The following MTTP variants were observed in gnomAD, a reference collection of about 807,000 sequenced individuals.
The protein encoded by MTTP is microsomal triglyceride transfer protein large subunit.
Under a neutral mutation model 90.6 loss-of-function variants are expected in MTTP, and 49 were observed. The observed-to-expected ratio is 0.54, with a 90% CI of 0.43 to 0.69. The LOEUF is 0.69. MTTP is among the 30% of genes least tolerant of loss of function. The pLI, the probability that MTTP is intolerant of heterozygous loss-of-function variation, is 0.00. For missense variants in MTTP, 945 were observed against 1,067.5 expected (o/e 0.89, Z 1.60); for synonymous variants, 347 against 384.2 (o/e 0.90, Z 1.13).
In MTTP at chr4:99,594,889, T is replaced by A. The variant is rs765547371; in HGVS notation, c.909+6T>A. 1 of 1,613,578 alleles carries A rather than the reference T, an allele frequency of 6.2e-7. No individual in the cohort carries two copies. The highest frequency in any genetic ancestry group is 1.1e-5 in the South Asian group (1 of 91,074). On this transcript the variant is annotated splice_donor_region_variant and intron_variant, in intron 7 of 17. Coordinates refer to ENST00000265517, the MANE Select transcript of MTTP (RefSeq NM_001386140.1). ...ACTGTAAAGGATGTCCTTCTGTAAGTGCAGACAAATATGGGAATAATCATG... is the reference window on the plus strand; with the variant it reads ...ACTGTAAAGGATGTCCTTCTGTAAGAGCAGACAAATATGGGAATAATCATG...
intron 15 of MTTP, among the ~76,000 whole-genome samples, chr4:99,616,937 C>T (rs1726111889): frequency 6.6e-6 from 1 of 152,128 alleles, no homozygotes; most frequent in Non-Finnish European, 1.5e-5. Context: ...GGCCAAGATC[C>T]ACATCACAGG....
chr4:99,592,714 C>T (rs1725461260), intron 6 of MTTP, among the ~76,000 whole-genome samples: 1 of 152,108 alleles, frequency 6.6e-6, no homozygotes, highest in South Asian at 2.1e-4. Context: ...CTGTCACTTC[C>T]TCTGATAACA....
intron 9 of MTTP, 146 bp downstream of exon 9, chr4:99,600,879 C>A: frequency 1.3e-6 from 1 of 781,472 alleles, no homozygotes; most frequent in Non-Finnish European, 2.0e-6. Flanking sequence ...ATTTTCTATC[C>A]ACTAATTATT....
At chr4:99,601,819 T>C (rs946790168) in intron 10 of MTTP, 105 bp downstream of exon 10, 3 of 879,890 alleles carry the variant, frequency 3.4e-6, no homozygotes, top group African/African-American at 1.6e-5. Flanking sequence ...TTTACTCTAT[T>C]CTACTTACCT....
chr4:99,577,097 G>A (rs1035190086), intron 1 of MTTP, among the ~76,000 whole-genome samples: 3 of 152,124 alleles, frequency 2.0e-5, no homozygotes, highest in Non-Finnish European at 4.4e-5. Context: ...ATAACTTTTT[G>A]CATTATGGTA....
upstream of MTTP, chr4:99,570,922 T>G: frequency 2.7e-6 from 1 of 369,308 alleles, no homozygotes; most frequent in Non-Finnish European, 5.3e-6. Flanking sequence ...GCCAATACTT[T>G]CATTTTATCC....
intron 6 of MTTP, among the ~76,000 whole-genome samples, chr4:99,593,167 C>A (rs1725471896): frequency 6.6e-6 from 1 of 152,104 alleles, no homozygotes. Context: ...GTGATTATAT[C>A]TTGTTCATCT....
At position 99,583,448 on chromosome 4, in the gene MTTP, T is replaced by C. The variant is rs757471822; in HGVS notation, c.324T>C (p.Ser108=). Residue 108 remains serine, a synonymous_variant, in exon 3 of 18, where the codon TCT becomes TCC. Transcript: ENST00000265517. The part of the protein sequence containing the change: ...EKSIFKGKSP[S]KIMGKENLEA... ...GCATCTTCAAAGGAAAAAGCCCATC[T>C]AAAATAATGGGAAAGGAAAACTTGG... 6.2e-7 allele frequency: 1 copy of C among 1,613,620 alleles called. No homozygotes were observed. Among genetic ancestry groups the C allele is most frequent in the Admixed American group, 1.7e-5 (1 of 59,990 alleles).
At chr4:99,611,089 G>C in intron 12 of MTTP, 54 bp from the exon 13 acceptor site, 2 of 1,551,954 alleles carry the variant, frequency 1.3e-6, no homozygotes, top group Non-Finnish European at 8.9e-7. Context: ...AATTTGACTT[G>C]GGAAACAGTC....
Position 99,564,403 on chromosome 4 carries a change from C to G in MTTP, c.-102+166C>G, listed in dbSNP as rs145274518. On this transcript the variant is annotated intron_variant, in intron 1 of 18. Coordinates refer to the MTTP transcript ENST00000457717. ...CCATATCACATGATTTTACATAACT[C>G]AAGTGGAAAATTAAATTCAAAAAGT... 822 of 646,462 alleles carry G rather than the reference C, an allele frequency of 1.3e-3. 6 individuals carry two copies. The African/African-American group carries it at 0.013, about 10-fold the overall frequency. 40.0% of individuals were successfully genotyped at this position (646,462 alleles called of 1,614,324 possible). A position where few individuals can be genotyped will look rare whatever the true frequency, so the allele number is the denominator to read the frequency against.
At chr4:99,578,384 G>T (rs1725019025) in intron 1 of MTTP, among the ~76,000 whole-genome samples, 1 of 152,110 alleles carries the variant, frequency 6.6e-6, no homozygotes. Context: ...ATATAAATGG[G>T]ACATGCCCCA....
intron 8 of MTTP, among the ~76,000 whole-genome samples, chr4:99,599,461 G>A (rs946217438): frequency 5.9e-5 from 9 of 152,094 alleles, no homozygotes; most frequent in Admixed American, 1.3e-4. Flanking sequence ...GTATATCTGC[G>A]TCTGTTTCCT....
chr4:99,616,614 T>C (rs1726104779), intron 15 of MTTP, among the ~76,000 whole-genome samples: 1 of 152,316 alleles, frequency 6.6e-6, no homozygotes, highest in Middle Eastern at 3.4e-3. Flanking sequence ...ACTTACTTTA[T>C]ACTGCTTAAA....
upstream of MTTP, chr4:99,574,574 G>T: frequency 4.6e-6 from 2 of 431,292 alleles, no homozygotes; most frequent in African/African-American, 2.0e-5. Context: ...TTTTTTCTTT[G>T]AATGCCCCTC....
At chr4:99,613,829 A>G (rs534858526) in intron 15 of MTTP, among the ~76,000 whole-genome samples, 11 of 152,322 alleles carry the variant, frequency 7.2e-5, no homozygotes, top group Admixed American at 5.9e-4. Flanking sequence ...TGGCCAAGAT[A>G]CTGTGGGATG....
intron 1 of MTTP, chr4:99,564,272 C>T (rs1724601571): frequency 6.6e-7 from 1 of 1,523,058 alleles, no homozygotes; most frequent in Non-Finnish European, 8.8e-7. Context: ...GATAGTCCCA[C>T]TGTTAAAAAT....
At chr4:99,604,107 T>G (rs115107680) in intron 10 of MTTP, among the ~76,000 whole-genome samples, 1 of 152,262 alleles carries the variant, frequency 6.6e-6, no homozygotes, top group Non-Finnish European at 1.5e-5. Flanking sequence ...TTTTCTGCTG[T>G]GAAACACTCA....
intron 4 of MTTP, among the ~76,000 whole-genome samples, chr4:99,590,699 A>C (rs1725393278): frequency 1.3e-5 from 2 of 152,184 alleles, no homozygotes; most frequent in Admixed American, 1.3e-4. Context: ...GAGAAGCTAG[A>C]CAGAGTCTGT....
intron 1 of MTTP, among the ~76,000 whole-genome samples, chr4:99,566,844 T>C (rs1035664389): frequency 6.6e-6 from 1 of 152,160 alleles, no homozygotes; most frequent in Non-Finnish European, 1.5e-5. Context: ...TAACTATGAT[T>C]ATGAACCCCT....
Sources: allele counts gnomAD v4.1 joint callset (sites outside exome capture counted in the v4.1 genomes callset), GRCh38; gene constraint gnomAD v4.1.1; transcripts MANE v1.5; gene names NCBI Gene and HGNC (gene_info 2026-07-23, HGNC 2026-07-21).